The following NIF3L1 variants were observed in gnomAD, a reference collection of about 807,000 sequenced individuals.
The protein encoded by NIF3L1 is NIF3-like protein 1.
Under a neutral mutation model 35.0 loss-of-function variants are expected in NIF3L1, and 26 were observed. The observed-to-expected ratio is 0.74, with a 90% confidence interval of 0.54 to 1.03. The LOEUF (loss-of-function observed/expected upper bound fraction) is 1.03, where lower values mean the gene tolerates loss of function less well. Ranked by LOEUF, NIF3L1 falls within the 50% of genes least tolerant of loss-of-function variation. NIF3L1 has a pLI of 0.00. For missense variants in NIF3L1, 449 were observed against 466.3 expected, an observed-to-expected ratio of 0.96 and a Z score of 0.34; for synonymous variants, 157 against 178.9, an observed-to-expected ratio of 0.88 and a Z score of 0.98.
chr2:200,893,158 T>C (rs2040235104), intron 2 of NIF3L1, 88 bp from the exon 3 acceptor site: 1 of 1,008,354 alleles, frequency 9.9e-7, no homozygotes, highest in Non-Finnish European at 1.4e-6. Flanking sequence ...AAAAGTCATT[T>C]CTTAGAAATT....
At chr2:200,896,823 A>G (rs923125639) in intron 4 of NIF3L1, among the ~76,000 whole-genome samples, 2 of 152,094 alleles carry the variant, frequency 1.3e-5, no homozygotes, top group African/African-American at 2.4e-5. Context: ...AGCTCAAACA[A>G]TCCACCCACC....
At position 200,897,224 on chromosome 2, in the gene NIF3L1, G is replaced by C. The variant is rs919958638; in HGVS notation, c.865+10G>C. ...GTGGGGAGAACCTTAGGTAAATATA[G>C]CTCCTTCATCTATCCAGTATGCCTA... On this transcript the variant is annotated intron_variant, in intron 5 of 6. Transcript: ENST00000409020. The C allele has an allele frequency of 6.2e-7, 1 of 1,613,178 alleles. No individual in the cohort carries two copies. The highest frequency in any genetic ancestry group is 8.5e-7 in the Non-Finnish European group (1 of 1,179,570).
At position 200,897,119 on chromosome 2, in the gene NIF3L1, A is replaced by C; in HGVS notation, c.770A>C (p.Asp257Ala). Residue 257 changes from aspartate (D) to alanine (A), a missense_variant, in exon 5 of 7, where the codon GAT (aspartate) becomes GCT (alanine). Transcript: ENST00000409020. ...GGAATGGGACGGTTATGCACACTGGATGAATCTGTCTCCCTGGCAACCATG... is the reference window on the plus strand; with the variant it reads ...GGAATGGGACGGTTATGCACACTGGCTGAATCTGTCTCCCTGGCAACCATG... ...HTGMGRLCTL[D>A]ESVSLATMID... The C allele has an allele frequency of 6.2e-7, 1 of 1,614,016 alleles. No homozygotes were observed. The highest frequency in any genetic ancestry group is 8.5e-7 in the Non-Finnish European group (1 of 1,179,916).
Position 200,891,930 on chromosome 2 carries a change from T to G in NIF3L1, c.-14T>G, listed in dbSNP as rs76578207. The G allele has an allele frequency of 4.9e-5, 77 of 1,572,082 alleles. No individual in the cohort carries two copies. Among genetic ancestry groups the G allele is most frequent in the Non-Finnish European group, 6.5e-5 (75 of 1,156,020 alleles). On this transcript the variant is annotated 5_prime_UTR_variant, in exon 2 of 7. Coordinates refer to ENST00000409020, the MANE Select transcript of NIF3L1 (RefSeq NM_001369441.2). The stretch of plus-strand genomic sequence containing the variant: ...GTTTTGACATCAGAAACTTGAACTT[T>G]ACCTGATTTCTGTATGTTGTCATCT...
rs368023292 is a variant in NIF3L1 at position 200,893,341 on chromosome 2, G to T, written c.532G>T (p.Asp178Tyr). Residue 178 changes from aspartate to tyrosine, a missense_variant, in exon 3 of 7, where the codon GAC (aspartate) becomes TAC (tyrosine). Coordinates refer to ENST00000409020, the MANE Select transcript of NIF3L1 (RefSeq NM_001369441.2). ...AGAATTCAACGTTAACTACACCCAA[G>T]ACCTGGACAAAGTCATGTCTGCAGT... ...RVEFNVNYTQ[D>Y]LDKVMSAVKG... 2 of 1,613,678 alleles carry T rather than the reference G, an allele frequency of 1.2e-6. No individual in the cohort carries two copies. The highest frequency in any genetic ancestry group is 1.6e-4 in the Middle Eastern group (1 of 6,062).
chr2:200,899,455 C>T lies in NIF3L1; in HGVS notation c.936C>T (p.Asp312=), dbSNP rs1226163735. The T allele has an allele frequency of 6.2e-7, 1 of 1,613,602 alleles. No homozygotes were observed. Among genetic ancestry groups the T allele is most frequent in the East Asian group, 2.2e-5 (1 of 44,882 alleles). Residue 312 remains aspartate, a synonymous_variant, in exon 6 of 7, where the codon GAC becomes GAT. Transcript: ENST00000409020. ...GSSVLQGVEA[D]LYLTGEMSHH... is the part of the protein sequence containing the mutation. ...GCGTTCTGCAGGGTGTTGAGGCTGACCTTTACCTCACAGGTAGGACAGACT... is the reference window on the plus strand; with the variant it reads ...GCGTTCTGCAGGGTGTTGAGGCTGATCTTTACCTCACAGGTAGGACAGACT...
chr2:200,896,026 G>C (rs1207879647), intron 4 of NIF3L1, among the ~76,000 whole-genome samples: 1 of 147,898 alleles, frequency 6.8e-6, no homozygotes, highest in Non-Finnish European at 1.5e-5. Flanking sequence ...ATCTACTTTA[G>C]TTTCCAAGTT....
At chr2:200,899,645 T>C (rs1001772453) in intron 6 of NIF3L1, among the ~76,000 whole-genome samples, 177 bp downstream of exon 6, 5 of 152,226 alleles carry the variant, frequency 3.3e-5, no homozygotes, top group African/African-American at 1.2e-4. Context: ...ATGAAATCAT[T>C]GAACAGTTTA....
At chr2:200,898,465 G>A (rs1476867347) in intron 5 of NIF3L1, among the ~76,000 whole-genome samples, 6 of 152,140 alleles carry the variant, frequency 3.9e-5, no homozygotes, top group South Asian at 2.1e-4. Flanking sequence ...ACCTGGTCCC[G>A]CCCTTGACCC....
At chr2:200,899,264 T>C in intron 5 of NIF3L1, 121 bp from the exon 6 acceptor site, 1 of 627,680 alleles carries the variant, frequency 1.6e-6, no homozygotes, top group Non-Finnish European at 2.7e-6. Context: ...GAACAATTCA[T>C]ATACTGGTGA....
chr2:200,900,802 T>G (rs1355648244), intron 6 of NIF3L1, among the ~76,000 whole-genome samples: 2 of 152,194 alleles, frequency 1.3e-5, no homozygotes, highest in Admixed American at 1.3e-4. Context: ...AGCATTTTAC[T>G]TAGGAATTTC....
intron 6 of NIF3L1, among the ~76,000 whole-genome samples, chr2:200,902,559 C>T (rs1472048992): frequency 6.8e-6 from 1 of 147,398 alleles, no homozygotes; most frequent in African/African-American, 2.7e-5. Context: ...CAGAGCAAAA[C>T]TCCATCTAAA....
At chr2:200,898,476 G>A (rs140173910) in intron 5 of NIF3L1, among the ~76,000 whole-genome samples, 276 of 152,266 alleles carry the variant, frequency 1.8e-3, no homozygotes, top group South Asian at 6.4e-3. Flanking sequence ...CCCTTGACCC[G>A]TGGGAATTAT....
chr2:200,895,176 A>G, intron 3 of NIF3L1, 88 bp from the exon 4 acceptor site: 1 of 1,253,732 alleles, frequency 8.0e-7, no homozygotes, highest in Non-Finnish European at 1.1e-6. Flanking sequence ...CATAAATCTA[A>G]TCTATTATAG....
intron 4 of NIF3L1, among the ~76,000 whole-genome samples, chr2:200,895,660 C>T (rs1458075353): frequency 1.3e-5 from 2 of 152,158 alleles, no homozygotes; most frequent in African/African-American, 2.4e-5. Flanking sequence ...GCATAATATT[C>T]TCTAGGAAGT....
intron 6 of NIF3L1, among the ~76,000 whole-genome samples, chr2:200,900,149 C>T (rs1226127748): frequency 6.6e-6 from 1 of 152,158 alleles, no homozygotes; most frequent in African/African-American, 2.4e-5. Flanking sequence ...GCTCCTGCCT[C>T]TTGTGGGTCC....
intron 6 of NIF3L1, among the ~76,000 whole-genome samples, chr2:200,900,021 T>C (rs1219198718): frequency 6.6e-6 from 1 of 152,192 alleles, no homozygotes; most frequent in Non-Finnish European, 1.5e-5. Context: ...GCCTGAACAT[T>C]GCATCCCCTT....
At chr2:200,897,011 G>A in intron 4 of NIF3L1, 65 bp from the exon 5 acceptor site, 1 of 1,515,106 alleles carries the variant, frequency 6.6e-7, no homozygotes, top group Non-Finnish European at 9.1e-7. Context: ...GCATGTTGAT[G>A]ATTTTAGCAT....
intron 5 of NIF3L1, among the ~76,000 whole-genome samples, chr2:200,897,483 C>G (rs1171867634): frequency 6.6e-6 from 1 of 152,012 alleles, no homozygotes; most frequent in African/African-American, 2.4e-5. Context: ...GTTGCTGTTG[C>G]AGAGGGAGGG....
Sources: allele counts gnomAD v4.1 joint callset (sites outside exome capture counted in the v4.1 genomes callset), GRCh38; gene constraint gnomAD v4.1.1; transcripts MANE v1.5; gene names NCBI Gene and HGNC (gene_info 2026-07-23, HGNC 2026-07-21).